Variants in TG observed in about 807,000 individuals in gnomAD.
TG encodes the protein thyroid hormones.
Under a neutral mutation model 324.7 loss-of-function variants are expected in TG, and 270 were observed. The observed-to-expected ratio is 0.83, with a 90% confidence interval of 0.75 to 0.92. The LOEUF (loss-of-function observed/expected upper bound fraction) is 0.92, where lower values mean the gene tolerates loss of function less well. Ranked by LOEUF, TG falls within the 40% of genes least tolerant of loss-of-function variation. The probability of loss-of-function intolerance (pLI) is 0.00; values close to 1 mark genes in which losing one functional copy is unlikely to be tolerated. For synonymous variants in TG, 1,401 were observed against 1,327.0 expected (o/e 1.06, Z -1.21); for missense variants, 3,591 against 3,456.4 (o/e 1.04, Z -0.98).
intron 43 of TG, among the ~76,000 whole-genome samples, chr8:133,108,283 G>A (rs1431550145): frequency 6.6e-6 from 1 of 152,052 alleles, no homozygotes; most frequent in Non-Finnish European, 1.5e-5. Context: ...ACCACGCCCG[G>A]CCTGGGGACC....
chr8:132,873,845 G>T (rs1460163978), intron 5 of TG, among the ~76,000 whole-genome samples: 1 of 152,204 alleles, frequency 6.6e-6, no homozygotes, highest in Non-Finnish European at 1.5e-5. Context: ...ATCCTGGGCT[G>T]CTTTAGGGCC....
chr8:132,987,054 C>A (rs1831651591), intron 35 of TG, among the ~76,000 whole-genome samples: 1 of 151,650 alleles, frequency 6.6e-6, no homozygotes, highest in South Asian at 2.1e-4. Context: ...TGTGAATTAC[C>A]TACAAAAGAA....
At chr8:133,003,074 AT>A in intron 35 of TG, 1 of 1,058,642 alleles carries the variant, frequency 9.4e-7, no homozygotes, top group Admixed American at 3.8e-5. Flanking sequence ...TGTGTTTGTC[AT>A]TTTGGCGAAT....
intron 27 of TG, among the ~76,000 whole-genome samples, chr8:132,958,977 C>T (rs1290808665): frequency 6.6e-6 from 1 of 152,200 alleles, no homozygotes; most frequent in East Asian, 1.9e-4. Context: ...CATAGGTGTT[C>T]ACTTGCGCAA....
At chr8:132,963,501 T>C (rs1410230617) in intron 29 of TG, among the ~76,000 whole-genome samples, 2 of 152,210 alleles carry the variant, frequency 1.3e-5, no homozygotes, top group African/African-American at 4.8e-5. Flanking sequence ...AAAGCTGTGA[T>C]TCCAAACATG....
At chr8:133,077,869 G>A (rs371906405) in intron 41 of TG, among the ~76,000 whole-genome samples, 6 of 151,684 alleles carry the variant, frequency 4.0e-5, no homozygotes, top group African/African-American at 1.5e-4. Context: ...GGAGCCCCCC[G>A]CACCCCTCCA....
At chr8:133,006,852 G>A (rs1447339860) in intron 35 of TG, among the ~76,000 whole-genome samples, 2 of 152,166 alleles carry the variant, frequency 1.3e-5, no homozygotes, top group Non-Finnish European at 2.9e-5. Context: ...TTTGAATCAC[G>A]ATTTCAGTTT....
chr8:133,038,691 C>T lies in TG; in HGVS notation c.7239+8668C>T, dbSNP rs200563412. On this transcript the variant is annotated intron_variant, in intron 41 of 47. Transcript: ENST00000220616. Reference sequence around the variant, plus strand: ...CGAAGGCCATAGCTGAAAAGGGACTCGTCTACCCCAAGCGGGTTCTCTGTT... The same window carrying T: ...CGAAGGCCATAGCTGAAAAGGGACTTGTCTACCCCAAGCGGGTTCTCTGTT... 2.7e-5 allele frequency: 44 copies of T among 1,613,922 alleles called. 1 individual carries two copies. The highest frequency in any genetic ancestry group is 6.7e-5 in the Admixed American group (4 of 59,972).
In TG at chr8:132,919,477, C is replaced by T. The variant is rs779573343; in HGVS notation, c.4480C>T (p.Pro1494Ser). ...QAGSLACVPC[P>S]VGRTTISAGA... ...AGGGAGCTTGGCCTGTGTCCCATGTCCTGTGGGCAGAACGACCATTTCTGC... is the reference window on the plus strand; with the variant it reads ...AGGGAGCTTGGCCTGTGTCCCATGTTCTGTGGGCAGAACGACCATTTCTGC... The change falls in exon 21 of 48, where the codon CCT becomes TCT. Residue 1494 changes from proline to serine, a missense_variant. Transcript: ENST00000220616. 1.2e-6 allele frequency: 2 copies of T among 1,613,928 alleles called. No homozygotes were observed. Among genetic ancestry groups the T allele is most frequent in the East Asian group, 2.2e-5 (1 of 44,896 alleles).
intron 22 of TG, among the ~76,000 whole-genome samples, chr8:132,926,333 T>C (rs917308963): frequency 3.9e-5 from 6 of 152,202 alleles, no homozygotes; most frequent in Non-Finnish European, 8.8e-5. Context: ...TCCAACAGTT[T>C]TTCTATGATG....
In TG at chr8:133,106,392, T is replaced by C. The variant is rs79365734; in HGVS notation, c.7573-7030T>C. On this transcript the variant is annotated intron_variant, in intron 43 of 47. Transcript: ENST00000220616. The stretch of plus-strand genomic sequence containing the variant: ...GACACCCAGCCTGGCCTGCTCTGTG[T>C]TCCATGCTCTCTGGCAGGTCACATT... 449 of 985,328 alleles carry C rather than the reference T, an allele frequency of 4.6e-4. 3 individuals carry two copies. In the African/African-American group the frequency reaches 7.5e-3, roughly 16 times the overall value. The allele number at this position is 985,328 out of a possible 1,614,324, so 61.0% of individuals were successfully genotyped here.
rs546888179 is a variant in TG, at chr8:133,116,604, A to G, written c.7755-5A>G. The G allele has an allele frequency of 1.2e-6, 2 of 1,612,986 alleles. No individual in the cohort carries two copies. The highest frequency in any genetic ancestry group is 2.2e-5 in the South Asian group (2 of 91,068). ...CAGACTCCCCCCATGTTCTCTTTTC[A>G]CCAGGGACTACTTTATCATCTGCCC... On this transcript the variant is annotated splice_polypyrimidine_tract_variant and splice_region_variant and intron_variant, in intron 44 of 47. Coordinates refer to ENST00000220616, the MANE Select transcript of TG (RefSeq NM_003235.5).
intron 3 of TG, among the ~76,000 whole-genome samples, chr8:132,870,410 C>T (rs553382849): frequency 6.7e-6 from 1 of 148,320 alleles, no homozygotes; most frequent in Non-Finnish European, 1.5e-5. Flanking sequence ...GCCCCATACT[C>T]TCCTGCTGTG....
chr8:133,047,767 C>A, intron 41 of TG: 2 of 921,896 alleles, frequency 2.2e-6, no homozygotes, highest in South Asian at 2.6e-5. Flanking sequence ...TGTAATGAGT[C>A]AGCCAGGAGC....
At chr8:133,083,841 T>C (rs2131553071) in intron 41 of TG, among the ~76,000 whole-genome samples, 1 of 152,226 alleles carries the variant, frequency 6.6e-6, no homozygotes, top group South Asian at 2.1e-4. Flanking sequence ...CCGTCCAGGT[T>C]CTAGTGAAGC....
chr8:133,045,109 T>G, intron 41 of TG: 1 of 1,614,064 alleles, frequency 6.2e-7, no homozygotes. Context: ...CGACAGTGAG[T>G]AAAACCCTGC....
Position 132,913,075 on chromosome 8 carries a change from T to G in TG, c.4188T>G (p.Leu1396=), listed in dbSNP as rs767082385. 1 of 1,614,168 alleles carries G rather than the reference T, an allele frequency of 6.2e-7. No homozygotes were observed. The highest frequency in any genetic ancestry group is 8.5e-7 in the Non-Finnish European group (1 of 1,180,026). ...IERALVGKDL[L]GRFTDLIQSG... The stretch of plus-strand genomic sequence containing the variant: ...GAGCCTTGGTGGGCAAGGATCTCCT[T>G]GGGCGCTTCACAGATCTGATCCAGA... Residue 1396 remains leucine, a synonymous_variant, in exon 20 of 48, where the codon CTT becomes CTG. Transcript: ENST00000220616.
At chr8:132,873,679 G>A (rs975289621) in intron 5 of TG, among the ~76,000 whole-genome samples, 2 of 151,658 alleles carry the variant, frequency 1.3e-5, no homozygotes, top group Non-Finnish European at 2.9e-5. Flanking sequence ...AAGATACAAA[G>A]CACAGATAAT....
intron 35 of TG, chr8:132,995,374 C>T (rs972038057): frequency 1.6e-5 from 16 of 985,228 alleles, no homozygotes; most frequent in Admixed American, 1.2e-4. Context: ...AGGTCTCTAA[C>T]GTGGAGGGCA....
Sources: gnomAD v4.1 joint callset for allele counts (sites outside exome capture counted in the v4.1 genomes callset) on GRCh38, gnomAD v4.1.1 for gene constraint, MANE v1.5 for transcripts, NCBI Gene and HGNC (gene_info 2026-07-23, HGNC 2026-07-21) for gene names.